The following AOPEP variants were observed in gnomAD, a reference collection of about 807,000 sequenced individuals.
AOPEP encodes aminopeptidase O.
AOPEP carries 77 observed loss-of-function variants against 98.1 expected under a neutral mutation model. The observed-to-expected ratio is 0.78, with a 90% CI of 0.65 to 0.95. AOPEP has a LOEUF of 0.95. AOPEP is among the 40% of genes least tolerant of loss of function. AOPEP has a pLI of 0.00. For missense variants in AOPEP, 1,024 were observed against 1,024.7 expected, an observed-to-expected ratio of 1.00 and a Z score of 0.01; for synonymous variants, 346 against 365.3, an observed-to-expected ratio of 0.95 and a Z score of 0.60.
At position 94,980,314 on chromosome 9, in the gene AOPEP, G is replaced by A. The variant is rs933741522; in HGVS notation, c.1977+887G>A. The stretch of plus-strand genomic sequence containing the variant: ...CTCAGTCTGGGGCAGCCCCCAGAGC[G>A]GCTGCAGGCTGGGCCTGACCCAGGG... On this transcript the variant is annotated intron_variant, in intron 11 of 16. Transcript: ENST00000375315. This position sits in a 1 kb window ranked among gnomAD's most constrained non-coding sequence, Gnocchi z 4.3. Among the ~76,000 whole-genome samples, 2 of 152,232 alleles carry A rather than the reference G, an allele frequency of 1.3e-5. No homozygotes were observed. The highest frequency in any genetic ancestry group is 2.4e-5 in the African/African-American group (1 of 41,466).
At chr9:94,808,010 G>A (rs1454868403) in intron 5 of AOPEP, among the ~76,000 whole-genome samples, 1 of 151,988 alleles carries the variant, frequency 6.6e-6, no homozygotes, top group Non-Finnish European at 1.5e-5. Context: ...ATAAGTAATT[G>A]GAAGAGTGTC....
At chr9:94,929,903 A>G (rs2055015640) in intron 7 of AOPEP, among the ~76,000 whole-genome samples, 1 of 152,228 alleles carries the variant, frequency 6.6e-6, no homozygotes, top group Non-Finnish European at 1.5e-5. Flanking sequence ...GAGGTGGGAA[A>G]GGCCTTCATG....
At chr9:94,924,834 A>G (rs1428311388) in intron 6 of AOPEP, among the ~76,000 whole-genome samples, 1 of 152,234 alleles carries the variant, frequency 6.6e-6, no homozygotes, top group African/African-American at 2.4e-5. Flanking sequence ...GAAGTTTACT[A>G]ATTTAAAAAA....
chr9:94,764,904 C>T (rs913737930), intron 2 of AOPEP, among the ~76,000 whole-genome samples: 1 of 152,102 alleles, frequency 6.6e-6, no homozygotes, highest in Non-Finnish European at 1.5e-5. Flanking sequence ...GACAGGGTCT[C>T]ACTCTGTCAC....
At chr9:95,095,131 T>C in the AOPEP span, among the ~76,000 whole-genome samples, 1 of 152,258 alleles carries the variant, frequency 6.6e-6, no homozygotes, top group African/African-American at 2.4e-5. Flanking sequence ...GCAGAATGGA[T>C]AGATCAGAGT....
intron 1 of AOPEP, among the ~76,000 whole-genome samples, chr9:94,746,118 C>T (rs1394392254): frequency 1.3e-5 from 2 of 152,160 alleles, no homozygotes; most frequent in South Asian, 2.1e-4. Context: ...TTGTTGTGCC[C>T]GCCTCTCCCT....
chr9:95,149,883 G>GAAA, the AOPEP span: 3 of 1,561,654 alleles, frequency 1.9e-6, no homozygotes, highest in Non-Finnish European at 2.6e-6. Flanking sequence ...CTAAGAAAAG[G>GAAA]AAAAACGACG....
At chr9:95,106,069 G>A in the AOPEP span, among the ~76,000 whole-genome samples, 3 of 152,332 alleles carry the variant, frequency 2.0e-5, no homozygotes, top group South Asian at 2.1e-4. Context: ...GCTGCACGAC[G>A]TTAATGTCCC....
intron 11 of AOPEP, among the ~76,000 whole-genome samples, chr9:94,987,143 G>A (rs1277600953): frequency 6.6e-6 from 1 of 152,232 alleles, no homozygotes; most frequent in Non-Finnish European, 1.5e-5. Context: ...ATTCAAAGAT[G>A]AGAGAAATAC....
intron 5 of AOPEP, among the ~76,000 whole-genome samples, chr9:94,809,321 A>T (rs1183740615): frequency 1.3e-5 from 2 of 152,232 alleles, no homozygotes; most frequent in Non-Finnish European, 2.9e-5. Flanking sequence ...ATCCTGGTAT[A>T]TCTGTGCATC....
chr9:94,740,354 G>C (rs927578561), intron 1 of AOPEP, among the ~76,000 whole-genome samples: 1 of 152,136 alleles, frequency 6.6e-6, no homozygotes, highest in Non-Finnish European at 1.5e-5. Context: ...CCTATGAAAG[G>C]CATGCTCACA....
chr9:95,112,706 G>A, the AOPEP span, among the ~76,000 whole-genome samples: 51 of 152,218 alleles, frequency 3.4e-4, no homozygotes, highest in African/African-American at 1.1e-3. Flanking sequence ...GGTTGGCAGC[G>A]TGACTGGATC....
chr9:94,781,040 A>G (rs1230046694), intron 3 of AOPEP, among the ~76,000 whole-genome samples: 1 of 152,042 alleles, frequency 6.6e-6, no homozygotes, highest in African/African-American at 2.4e-5. Context: ...AATGGTTTGG[A>G]TGTAGGGTGA....
intron 13 of AOPEP, among the ~76,000 whole-genome samples, chr9:95,010,708 A>G (rs1589254035): frequency 6.6e-6 from 1 of 152,208 alleles, no homozygotes; most frequent in African/African-American, 2.4e-5. Flanking sequence ...CTCTTGAAGC[A>G]CCAGCCTACC....
At chr9:95,096,351 G>C in the AOPEP span, among the ~76,000 whole-genome samples, 1 of 152,172 alleles carries the variant, frequency 6.6e-6, no homozygotes, top group African/African-American at 2.4e-5. Context: ...GTGGGAGAAA[G>C]GGAGGGGTCA....
downstream of AOPEP, among the ~76,000 whole-genome samples, chr9:95,091,711 C>T (rs966743671): frequency 6.6e-6 from 1 of 152,146 alleles, no homozygotes; most frequent in Admixed American, 6.5e-5. Context: ...CTCTTCCCAC[C>T]CTCCCTGCTG....
downstream of AOPEP, among the ~76,000 whole-genome samples, chr9:95,091,237 T>G (rs2070862902): frequency 6.6e-6 from 1 of 151,302 alleles, no homozygotes. Flanking sequence ...TGGGTGGGGG[T>G]GAGGGGAGGT....
At chr9:95,082,394 CAG>C (rs2069911928) in intron 15 of AOPEP, among the ~76,000 whole-genome samples, 179 bp from the exon 16 acceptor site, 1 of 152,176 alleles carries the variant, frequency 6.6e-6, no homozygotes, top group Admixed American at 6.5e-5. Context: ...AAGGAGGAGA[CAG>C]GGATTGCAGA....
the AOPEP span, chr9:95,107,169 G>A: frequency 6.2e-7 from 1 of 1,614,210 alleles, no homozygotes; most frequent in Non-Finnish European, 8.5e-7. Context: ...TCTGAGGTCT[G>A]TGTCTGTGCC....
Sources: gnomAD v4.1 joint callset for allele counts (sites outside exome capture counted in the v4.1 genomes callset) on GRCh38, gnomAD v4.1.1 for gene constraint, Gnocchi (gnomAD v3.1) non-coding constraint, MANE v1.5 for transcripts, NCBI Gene and HGNC (gene_info 2026-07-23, HGNC 2026-07-21) for gene names.